The following PRKN variants were observed in gnomAD, a reference collection of about 807,000 sequenced individuals.
The protein encoded by PRKN is E3 ubiquitin-protein ligase parkin.
PRKN carries 56 observed loss-of-function variants against 59.5 expected under a neutral mutation model. The observed-to-expected ratio is 0.94, with a 90% CI of 0.76 to 1.18. PRKN has a LOEUF of 1.18. Ranked by LOEUF, PRKN falls within the 50% of genes most tolerant of loss-of-function variation. The probability of loss-of-function intolerance (pLI) is 0.00; values close to 1 mark genes in which losing one functional copy is unlikely to be tolerated. For missense variants in PRKN, 657 were observed against 596.4 expected, an observed-to-expected ratio of 1.10 and a Z score of -1.06; for synonymous variants, 250 against 222.1, an observed-to-expected ratio of 1.13 and a Z score of -1.12.
intron 1 of PRKN, among the ~76,000 whole-genome samples, chr6:162,675,617 C>A (rs1779516190): frequency 6.6e-6 from 1 of 152,068 alleles, no homozygotes; most frequent in South Asian, 2.1e-4. Context: ...ACAACTACAA[C>A]CTACACTAAA....
chr6:162,053,455 C>A (rs1777731189), intron 5 of PRKN, among the ~76,000 whole-genome samples: 1 of 152,032 alleles, frequency 6.6e-6, no homozygotes, highest in Admixed American at 6.6e-5. Context: ...TGAAGCATGA[C>A]CATAATAACA....
chr6:161,780,009 T>C (rs1790136948), intron 7 of PRKN, among the ~76,000 whole-genome samples: 1 of 152,202 alleles, frequency 6.6e-6, no homozygotes, highest in Non-Finnish European at 1.5e-5. Flanking sequence ...CTGGAGTGCA[T>C]GCTTAAATCA....
intron 1 of PRKN, among the ~76,000 whole-genome samples, chr6:162,480,976 T>TG (rs1562319139): frequency 2.5e-4 from 37 of 150,046 alleles, no homozygotes; most frequent in African/African-American, 6.4e-4. Context: ...CAGCTAATTT[T>TG]TGTGTGTGTG....
chr6:162,394,350 G>A (rs1787368540), intron 2 of PRKN, among the ~76,000 whole-genome samples: 1 of 152,128 alleles, frequency 6.6e-6, no homozygotes, highest in South Asian at 2.1e-4. Flanking sequence ...AGCTTCGGGT[G>A]TGATACAGAA....
chr6:162,525,119 C>T (rs1397266665), intron 1 of PRKN, among the ~76,000 whole-genome samples: 4 of 152,160 alleles, frequency 2.6e-5, no homozygotes, highest in Non-Finnish European at 2.9e-5. Flanking sequence ...CCCCAGCCCA[C>T]ACCTGGGCTC....
At position 162,221,107 on chromosome 6, in the gene PRKN, C is replaced by T. The variant is rs181399205; in HGVS notation, c.413-19855G>A. 4.0e-3 allele frequency among the ~76,000 whole-genome samples: 611 copies of T among 152,266 alleles called. 4 individuals are homozygous for T. The highest frequency in any genetic ancestry group is 0.013 in the African/African-American group (550 of 41,560). ...ATGCTTTGGTGTGAAAGACTGGTTCCTGCTGGAATAGTTTCTTTTTTAAGA... is the reference window on the plus strand; with the variant it reads ...ATGCTTTGGTGTGAAAGACTGGTTCTTGCTGGAATAGTTTCTTTTTTAAGA... On this transcript the variant is annotated intron_variant, in intron 3 of 11. Transcript: ENST00000366898.
At chr6:161,755,351 G>C (rs999679759) in intron 7 of PRKN, among the ~76,000 whole-genome samples, 1 of 152,004 alleles carries the variant, frequency 6.6e-6, no homozygotes, top group Admixed American at 6.6e-5. Context: ...TCTGCTTGGT[G>C]ACCTCTCAGA....
intron 2 of PRKN, among the ~76,000 whole-genome samples, chr6:162,363,362 C>G (rs111597242): frequency 4.2e-5 from 4 of 96,290 alleles, no homozygotes; most frequent in African/African-American, 2.6e-4. Flanking sequence ...ACTACTAACC[C>G]CCTTTCTGTA....
At chr6:161,680,295 A>T (rs573869160) in intron 7 of PRKN, among the ~76,000 whole-genome samples, 1 of 152,228 alleles carries the variant, frequency 6.6e-6, no homozygotes, top group African/African-American at 2.4e-5. Flanking sequence ...GAACAATTCT[A>T]TTTTCCAATT....
At chr6:162,380,471 G>GTA (rs1283267164) in intron 2 of PRKN, among the ~76,000 whole-genome samples, 1 of 46,474 alleles carries the variant, frequency 2.2e-5, no homozygotes, top group Non-Finnish European at 3.5e-5. Context: ...ATATATATGT[G>GTA]TGTATATATA....
chr6:161,819,163 GGGGATACATA>G (rs1791915065), intron 6 of PRKN, among the ~76,000 whole-genome samples: 1 of 152,074 alleles, frequency 6.6e-6, no homozygotes. Context: ...AAAAAATAAA[GGGGATACATA>G]GGTAGATGAA....
At chr6:161,975,088 T>G (rs1240550472) in intron 5 of PRKN, among the ~76,000 whole-genome samples, 1 of 123,024 alleles carries the variant, frequency 8.1e-6, no homozygotes, top group Admixed American at 7.8e-5. Context: ...TATACTTCTT[T>G]TTTTTTTTTT....
chr6:162,683,003 C>T (rs936038897), intron 1 of PRKN, among the ~76,000 whole-genome samples: 2 of 152,050 alleles, frequency 1.3e-5, no homozygotes, highest in African/African-American at 4.8e-5. Context: ...AAAATTCAAA[C>T]AGTAGTTTTA....
rs577127675 is a variant in PRKN, at chr6:161,844,031, G to A, written c.735-58123C>T. Among the ~76,000 whole-genome samples the A allele has an allele frequency of 9.2e-5, 14 of 152,158 alleles. No individual in the cohort carries two copies. In the South Asian group the frequency reaches 1.7e-3, roughly 18 times the overall value. On this transcript the variant is annotated intron_variant, in intron 6 of 11. Coordinates refer to ENST00000366898, the MANE Select transcript of PRKN (RefSeq NM_004562.3). ...ACGTGAAGATGCAGATGAAGGACCC[G>A]AGGCTTAAGGCAACAAGAAAATTTA...
chr6:161,830,616 A>T (rs1792458841), intron 6 of PRKN, among the ~76,000 whole-genome samples: 1 of 151,746 alleles, frequency 6.6e-6, no homozygotes, highest in Non-Finnish European at 1.5e-5. Flanking sequence ...GGCATTTTTT[A>T]CATTTATTAG....
chr6:161,352,381 A>G lies in PRKN; in HGVS notation c.1286-2170T>C, dbSNP rs1784582918. Among the ~76,000 whole-genome samples the G allele has an allele frequency of 6.6e-6, 1 of 152,146 alleles. No individual in the cohort carries two copies. The highest frequency in any genetic ancestry group is 2.4e-5 in the African/African-American group (1 of 41,436). On this transcript the variant is annotated intron_variant, in intron 11 of 11. Coordinates refer to ENST00000366898, the MANE Select transcript of PRKN (RefSeq NM_004562.3). The surrounding 1 kb of genome is among the most constrained non-coding windows in gnomAD (Gnocchi z 5.8). The stretch of plus-strand genomic sequence containing the variant: ...AAGATCATAAATTACAGATCTGTGG[A>G]AAATAAAGGAGAAAACTTACAACAC...
intron 4 of PRKN, among the ~76,000 whole-genome samples, chr6:162,133,452 T>C (rs1286978934): frequency 1.3e-5 from 2 of 152,172 alleles, no homozygotes; most frequent in African/African-American, 4.8e-5. Flanking sequence ...AGGGCAGGTT[T>C]GGCAGGAAGT....
chr6:161,824,775 G>GA (rs1174995237), intron 6 of PRKN, among the ~76,000 whole-genome samples: 1 of 152,034 alleles, frequency 6.6e-6, no homozygotes, highest in African/African-American at 2.4e-5. Flanking sequence ...GGGCCACATT[G>GA]AAAAAAAGAT....
chr6:161,833,610 C>A (rs1792608006), intron 6 of PRKN, among the ~76,000 whole-genome samples: 1 of 152,152 alleles, frequency 6.6e-6, no homozygotes, highest in South Asian at 2.1e-4. Flanking sequence ...CCCACAGACT[C>A]CCCTCGGATG....
Sources: gnomAD v4.1 joint callset for allele counts (sites outside exome capture counted in the v4.1 genomes callset) on GRCh38, gnomAD v4.1.1 for gene constraint, Gnocchi (gnomAD v3.1) non-coding constraint, MANE v1.5 for transcripts, NCBI Gene and HGNC (gene_info 2026-07-23, HGNC 2026-07-21) for gene names.